The following SPTBN1 variants were observed in gnomAD, a reference collection of about 807,000 sequenced individuals.
The protein encoded by SPTBN1 is spectrin beta chain, non-erythrocytic 1.
SPTBN1 carries 32 observed loss-of-function variants against 266.4 expected under a neutral mutation model. The ratio of observed to expected loss-of-function variants is 0.12; its 90% confidence interval spans 0.09 to 0.16. SPTBN1 has a LOEUF of 0.16. Ranked by LOEUF, SPTBN1 falls within the 10% of genes least tolerant of loss-of-function variation. The pLI, the probability that SPTBN1 is intolerant of heterozygous loss-of-function variation, is 1.00. For synonymous variants in SPTBN1, 1,336 were observed against 1,162.2 expected (o/e 1.15, Z -3.04); for missense variants, 2,296 against 3,067.1 (o/e 0.75, Z 5.94).
In SPTBN1 at chr2:54,623,556, A is replaced by T; in HGVS notation, c.1142A>T (p.Tyr381Phe). The change falls in exon 10 of 36, where the codon TAC (tyrosine) becomes TTC (phenylalanine). Residue 381 changes from tyrosine to phenylalanine, a missense_variant. Around this residue, in one of 12 missense-constraint regions of SPTBN1, gnomAD observed 148 missense variants for 203.8 expected, o/e 0.73. Transcript: ENST00000356805. ...ATGAGGGCCAACAACCAGAAGGTCTACATGCCCCGGGAGGGGAAGCTCATC... is the reference window on the plus strand; with the variant it reads ...ATGAGGGCCAACAACCAGAAGGTCTTCATGCCCCGGGAGGGGAAGCTCATC... ...SKMRANNQKV[Y>F]MPREGKLISD... The T allele has an allele frequency of 6.2e-7, 1 of 1,614,200 alleles. No homozygotes were observed. Among genetic ancestry groups the T allele is most frequent in the Non-Finnish European group, 8.5e-7 (1 of 1,180,024 alleles).
chr2:54,660,827 C>T, intron 32 of SPTBN1: 2 of 985,458 alleles, frequency 2.0e-6, no homozygotes, highest in Non-Finnish European at 2.4e-6. Flanking sequence ...CTGTCTCGCT[C>T]CCTGTCAGTG....
chr2:54,524,084 A>G (rs1670652039), intron 1 of SPTBN1, among the ~76,000 whole-genome samples: 1 of 152,152 alleles, frequency 6.6e-6, no homozygotes, highest in East Asian at 1.9e-4. Context: ...CTGTAGTCCC[A>G]GCTACTCGGG....
Position 54,522,652 on chromosome 2 carries a change from G to GAGAGAGAA in SPTBN1, c.-47-3715_-47-3714insGAAAGAGA, listed in dbSNP as rs1553439341. Among the ~76,000 whole-genome samples the GAGAGAGAA allele has an allele frequency of 6.3e-3, 510 of 80,346 alleles. 4 individuals carry two copies. Among genetic ancestry groups the GAGAGAGAA allele is most frequent in the African/African-American group, 0.025 (490 of 19,750 alleles). The allele number at this position is 80,346 out of a possible 152,430, so 52.7% of individuals were successfully genotyped here. On this transcript the variant is annotated intron_variant, in intron 1 of 35. Transcript: ENST00000356805. ...TCTCAAAAAGAAAGAAAGAAAGAGAGAGAGAAAGAGAGAGAGAGAGAGAGA... is the reference window on the plus strand; with the variant it reads ...TCTCAAAAAGAAAGAAAGAAAGAGAGAGAGAGAAAGAGAAAGAGAGAGAGAGAGAGAGA...
chr2:54,499,645 A>C (rs1207708205), intron 1 of SPTBN1, among the ~76,000 whole-genome samples: 2 of 152,218 alleles, frequency 1.3e-5, no homozygotes. Flanking sequence ...TGTCCTAAAA[A>C]CACAACATTT....
intron 32 of SPTBN1, chr2:54,662,595 T>C (rs1681119534): frequency 6.6e-6 from 1 of 152,462 alleles, no homozygotes; most frequent in Admixed American, 6.5e-5. Context: ...TTTCTCTACA[T>C]ACTAACCCCA....
At position 54,630,732 on chromosome 2, in the gene SPTBN1, A is replaced by G. The variant is rs183255329; in HGVS notation, c.2808-123A>G. The stretch of plus-strand genomic sequence containing the variant: ...GAGTGAGATGATTTTCCAAAAAAGC[A>G]TGTAGTCAAAGCACAGATGGAGAAA... On this transcript the variant is annotated intron_variant, in intron 15 of 35. Coordinates refer to ENST00000356805, the MANE Select transcript of SPTBN1 (RefSeq NM_003128.3). 77 of 1,222,742 alleles carry G rather than the reference A, an allele frequency of 6.3e-5. 1 individual carries two copies. Among genetic ancestry groups the G allele is most frequent in the Non-Finnish European group, 7.7e-5 (70 of 913,518 alleles). 75.7% of individuals were successfully genotyped at this position (1,222,742 alleles called of 1,614,324 possible). A position where few individuals can be genotyped will look rare whatever the true frequency, so the allele number is the denominator to read the frequency against.
At chr2:54,563,553 G>C (rs1673461328) in intron 2 of SPTBN1, among the ~76,000 whole-genome samples, 1 of 146,138 alleles carries the variant, frequency 6.8e-6, no homozygotes, top group African/African-American at 2.5e-5. Context: ...AGAAAGTGAA[G>C]TGCTGATTTT....
chr2:54,592,783 G>A (rs1675768884), intron 2 of SPTBN1, among the ~76,000 whole-genome samples: 1 of 152,142 alleles, frequency 6.6e-6, no homozygotes, highest in Admixed American at 6.5e-5. Flanking sequence ...TATATGACAG[G>A]AGAAGGTGTA....
chr2:54,460,918 G>A (rs1693332967), intron 1 of SPTBN1, among the ~76,000 whole-genome samples: 1 of 152,150 alleles, frequency 6.6e-6, no homozygotes, highest in Non-Finnish European at 1.5e-5. Flanking sequence ...AACAGAATCA[G>A]TTGAACTGGG....
intron 3 of SPTBN1, among the ~76,000 whole-genome samples, chr2:54,603,768 C>T (rs1009390196): frequency 2.0e-5 from 3 of 152,166 alleles, no homozygotes; most frequent in Admixed American, 1.3e-4. Context: ...TCCCATCCTA[C>T]CCTATGTATT....
Position 54,506,415 on chromosome 2 carries a change from A to T in SPTBN1, c.-47-19957A>T, listed in dbSNP as rs574097807. 5.4e-4 allele frequency among the ~76,000 whole-genome samples: 82 copies of T among 152,124 alleles called. 1 individual carries two copies. The highest frequency in any genetic ancestry group is 2.5e-3 in the South Asian group (12 of 4,830). On this transcript the variant is annotated intron_variant, in intron 1 of 35. Coordinates refer to ENST00000356805, the MANE Select transcript of SPTBN1 (RefSeq NM_003128.3). ...AAAAATTCTCATGTAAATATAATTT[A>T]AAAAATATAGATGACTCAATCTACA... is the stretch of plus-strand genomic sequence containing the variant.
chr2:54,621,373 C>A, intron 7 of SPTBN1, 27 bp from the exon 8 acceptor site: 2 of 1,585,800 alleles, frequency 1.3e-6, no homozygotes. Context: ...ATGCAACACA[C>A]TGAACAGAGT....
chr2:54,526,275 C>T (rs904048841), intron 1 of SPTBN1, 97 bp from the exon 2 acceptor site: 9 of 959,184 alleles, frequency 9.4e-6, no homozygotes, highest in African/African-American at 6.6e-5. Context: ...TCTTGGCAAG[C>T]ACTGTTTTTA....
At position 54,558,444 on chromosome 2, in the gene SPTBN1, T is replaced by G. The variant is rs1035194318; in HGVS notation, c.148+31878T>G. 2.4e-5 allele frequency: 25 copies of G among 1,041,366 alleles called. No homozygotes were observed. Among genetic ancestry groups the G allele is most frequent in the Non-Finnish European group, 2.9e-5 (25 of 866,310 alleles). The allele number at this position is 1,041,366 out of a possible 1,614,324, so 64.5% of individuals were successfully genotyped here. On this transcript the variant is annotated intron_variant, in intron 2 of 35. Transcript: ENST00000356805. The surrounding 1 kb of genome is among the most constrained non-coding windows in gnomAD (Gnocchi z 4.6). ...CCCGGGCTCGGCAACCGTGGCATGC[T>G]TAGGATTGGCCATATTTAAAAGTTC...
Position 54,630,903 on chromosome 2 carries a change from G to A in SPTBN1, c.2856G>A (p.Leu952=), listed in dbSNP as rs1264308133. The A allele has an allele frequency of 1.2e-6, 2 of 1,612,142 alleles. No homozygotes were observed. Among genetic ancestry groups the A allele is most frequent in the Middle Eastern group, 1.7e-4 (1 of 6,044 alleles). ...ELVDRKKDAL[L]SALSIQNYHL... ...TTGACAGGAAGAAGGATGCCCTCCT[G>A]TCTGCCCTGAGCATCCAGAACTACC... Residue 952 remains leucine, a synonymous_variant, in exon 16 of 36, where the codon CTG becomes CTA. Coordinates refer to ENST00000356805, the MANE Select transcript of SPTBN1 (RefSeq NM_003128.3).
rs1367808393 is a variant in SPTBN1, at chr2:54,649,510, C to G, written c.5203-105C>G. ...GTTCTGAAGTCATGAGTATTATTGG[C>G]TACATCTTGCTTAGAGGCAGTTTCT... On this transcript the variant is annotated intron_variant, in intron 25 of 35. Transcript: ENST00000356805. The surrounding 1 kb of genome is among the most constrained non-coding windows in gnomAD (Gnocchi z 6.7). 6.8e-7 allele frequency: 1 copy of G among 1,469,320 alleles called. No individual in the cohort carries two copies. The highest frequency in any genetic ancestry group is 9.1e-7 in the Non-Finnish European group (1 of 1,099,020). 91.0% of individuals were successfully genotyped at this position (1,469,320 alleles called of 1,614,324 possible).
At chr2:54,566,886 A>G (rs1673700154) in intron 2 of SPTBN1, among the ~76,000 whole-genome samples, 1 of 152,218 alleles carries the variant, frequency 6.6e-6, no homozygotes, top group South Asian at 2.1e-4. Flanking sequence ...AGAACCTGCC[A>G]TTTAAAATGG....
intron 1 of SPTBN1, among the ~76,000 whole-genome samples, chr2:54,512,635 G>A (rs775838428): frequency 6.6e-6 from 1 of 152,158 alleles, no homozygotes; most frequent in African/African-American, 2.4e-5. Flanking sequence ...CTCATGTTTT[G>A]CGACAGTTGA....
chr2:54,584,182 C>T (rs1465642313), intron 2 of SPTBN1, among the ~76,000 whole-genome samples: 2 of 152,180 alleles, frequency 1.3e-5, no homozygotes, highest in Non-Finnish European at 2.9e-5. Flanking sequence ...TATATGGCCA[C>T]TTTCCGAAGC....
Sources: gnomAD v4.1 joint callset for allele counts (sites outside exome capture counted in the v4.1 genomes callset) on GRCh38, gnomAD v4.1.1 for gene constraint, gnomAD v4.1.1 regional missense constraint, Gnocchi (gnomAD v3.1) non-coding constraint, MANE v1.5 for transcripts, NCBI Gene and HGNC (gene_info 2026-07-23, HGNC 2026-07-21) for gene names.